The following CMBL variants were observed in gnomAD, a reference collection of about 807,000 sequenced individuals.
The protein encoded by CMBL is carboxymethylenebutenolidase homolog.
CMBL carries 17 observed loss-of-function variants against 28.7 expected under a neutral mutation model. That is an observed-to-expected ratio of 0.59 (90% CI 0.41 to 0.89). The LOEUF is 0.89. Ranked by LOEUF, CMBL falls within the 40% of genes least tolerant of loss-of-function variation. The pLI is 0.00. For synonymous variants in CMBL, 106 were observed against 101.6 expected, an observed-to-expected ratio of 1.04 and a Z score of -0.26; for missense variants, 310 against 298.5, an observed-to-expected ratio of 1.04 and a Z score of -0.28.
chr5:10,282,095 G>C, intron 5 of CMBL, 102 bp downstream of exon 5: 1 of 768,300 alleles, frequency 1.3e-6, no homozygotes, highest in African/African-American at 1.7e-5. Flanking sequence ...GGGAGGTGGA[G>C]GTTGCAGTGA....
At chr5:10,299,462 C>A (rs1311870242) in intron 1 of CMBL, among the ~76,000 whole-genome samples, 1 of 151,836 alleles carries the variant, frequency 6.6e-6, no homozygotes, top group Non-Finnish European at 1.5e-5. Context: ...TGATACAAAC[C>A]CTGGAAGGAG....
At chr5:10,296,210 T>C (rs1490108791) in intron 1 of CMBL, among the ~76,000 whole-genome samples, 1 of 152,308 alleles carries the variant, frequency 6.6e-6, no homozygotes, top group East Asian at 1.9e-4. Flanking sequence ...CCAGGAGGAA[T>C]GGTTTAGGAT....
At chr5:10,291,417 C>A (rs920926866) in intron 1 of CMBL, among the ~76,000 whole-genome samples, 1 of 152,112 alleles carries the variant, frequency 6.6e-6, no homozygotes, top group Non-Finnish European at 1.5e-5. Context: ...AATCCCAGCA[C>A]TTTGGGAGGC....
At chr5:10,298,766 G>A (rs1236398836) in intron 1 of CMBL, among the ~76,000 whole-genome samples, 1 of 152,098 alleles carries the variant, frequency 6.6e-6, no homozygotes, top group Non-Finnish European at 1.5e-5. Flanking sequence ...GGTGGTGAGC[G>A]CCTGTAATCC....
At chr5:10,305,047 T>C (rs772449329) in intron 1 of CMBL, among the ~76,000 whole-genome samples, 15 of 152,210 alleles carry the variant, frequency 9.9e-5, no homozygotes, top group Admixed American at 5.9e-4. Flanking sequence ...CTGAGATGCA[T>C]GACAGAGTCC....
chr5:10,282,297 C>A lies in CMBL; in HGVS notation c.467-9G>T. 1 of 1,536,380 alleles carries A rather than the reference C, an allele frequency of 6.5e-7. No individual in the cohort carries two copies. ...AGAATCCTTGACAATGCCTGAAAAA[C>A]AAGCACAGAGGCATGATGTCTGATC... On this transcript the variant is annotated splice_polypyrimidine_tract_variant and intron_variant, in intron 4 of 5. Transcript: ENST00000296658.
intron 5 of CMBL, among the ~76,000 whole-genome samples, chr5:10,281,592 T>C (rs1484980736): frequency 6.6e-6 from 1 of 152,222 alleles, no homozygotes; most frequent in Non-Finnish European, 1.5e-5. Flanking sequence ...AATCCTTGTC[T>C]TTAAGGTCAC....
intron 5 of CMBL, among the ~76,000 whole-genome samples, chr5:10,281,976 A>G (rs1042527749): frequency 1.4e-4 from 21 of 152,130 alleles, no homozygotes; most frequent in Admixed American, 3.9e-4. Context: ...CCTGGTCAAC[A>G]TGGTGAAACC....
chr5:10,287,737 G>A (rs1746629899), intron 3 of CMBL, among the ~76,000 whole-genome samples: 2 of 150,916 alleles, frequency 1.3e-5, no homozygotes, highest in African/African-American at 2.4e-5. Flanking sequence ...TTGAGATGGA[G>A]TCTCGCTCTG....
chr5:10,282,355 T>C, intron 4 of CMBL, 67 bp from the exon 5 acceptor site: 2 of 905,924 alleles, frequency 2.2e-6, no homozygotes, highest in Non-Finnish European at 3.7e-6. Context: ...CCCACACCCA[T>C]GCCGCATGAT....
At position 10,279,242 on chromosome 5, in the gene CMBL, C is replaced by T; in HGVS notation, c.*1211G>A. The T allele has an allele frequency of 6.6e-6, 1 of 152,120 alleles. No individual in the cohort carries two copies. The allele number at this position is 152,120 out of a possible 1,614,324, so 9.4% of individuals were successfully genotyped here. A position where few individuals can be genotyped will look rare whatever the true frequency, so the allele number is the denominator to read the frequency against. ...CAGCTGGGTGACAACTCTAGCCCAC[C>T]GTTCTCTGCTATCTTTTTAAAAAAG... is the stretch of plus-strand genomic sequence containing the variant. On this transcript the variant is annotated 3_prime_UTR_variant, in exon 6 of 6. Transcript: ENST00000296658.
intron 3 of CMBL, 86 bp from the exon 4 acceptor site, chr5:10,286,582 C>A: frequency 7.9e-7 from 1 of 1,272,220 alleles, no homozygotes; most frequent in African/African-American, 1.5e-5. Context: ...AGGGCTGTAT[C>A]AGCAACTGTT....
intron 4 of CMBL, among the ~76,000 whole-genome samples, chr5:10,284,569 A>G (rs1414101886): frequency 1.3e-5 from 2 of 152,244 alleles, no homozygotes; most frequent in East Asian, 3.8e-4. Context: ...ACAGAATTCA[A>G]TAAACTGCAT....
chr5:10,287,923 G>T (rs995623258), intron 3 of CMBL, among the ~76,000 whole-genome samples: 37 of 151,394 alleles, frequency 2.4e-4, no homozygotes, highest in African/African-American at 3.6e-4. Context: ...GTAGAGGCAG[G>T]TTTCACCATG....
chr5:10,295,525 C>A lies in CMBL; in HGVS notation c.-19-4744G>T, dbSNP rs1408876170. Among the ~76,000 whole-genome samples, 4 of 152,162 alleles carry A rather than the reference C, an allele frequency of 2.6e-5. No individual in the cohort carries two copies. The East Asian group carries it at 7.7e-4, about 29-fold the overall frequency. ...GTCCCCAAAAAGTCAGATGTTGAAA[C>A]CCTAATTCCAGTGGAATGATATTTG... is the stretch of plus-strand genomic sequence containing the variant. On this transcript the variant is annotated intron_variant, in intron 1 of 5. Coordinates refer to ENST00000296658, the MANE Select transcript of CMBL (RefSeq NM_138809.4).
intron 1 of CMBL, among the ~76,000 whole-genome samples, 162 bp from the exon 2 acceptor site, chr5:10,290,943 C>T (rs558720534): frequency 6.6e-6 from 1 of 152,284 alleles, no homozygotes; most frequent in East Asian, 1.9e-4. Flanking sequence ...GGCAACACTG[C>T]AGAGTAAGGC....
chr5:10,286,111 T>C (rs1746600263), intron 4 of CMBL: 1 of 406,662 alleles, frequency 2.5e-6, no homozygotes, highest in Admixed American at 4.4e-5. Flanking sequence ...AGAATTTAGA[T>C]TAGGTGGCTT....
intron 1 of CMBL, among the ~76,000 whole-genome samples, chr5:10,306,439 G>T (rs1747002305): frequency 6.6e-6 from 1 of 152,050 alleles, no homozygotes; most frequent in Admixed American, 6.6e-5. Context: ...CAGGAGGGAG[G>T]GAGGCGCAGC....
chr5:10,297,002 T>A (rs551582201), intron 1 of CMBL, among the ~76,000 whole-genome samples: 1 of 151,938 alleles, frequency 6.6e-6, no homozygotes, highest in Non-Finnish European at 1.5e-5. Context: ...CTGGCCAACA[T>A]GGTAAAAACC....
Sources: gnomAD v4.1 joint callset for allele counts (sites outside exome capture counted in the v4.1 genomes callset) on GRCh38, gnomAD v4.1.1 for gene constraint, MANE v1.5 for transcripts, NCBI Gene and HGNC (gene_info 2026-07-23, HGNC 2026-07-21) for gene names.